SLC29A3: variants seen among roughly 807,000 people sequenced by gnomAD.
SLC29A3 encodes equilibrative nucleoside transporter 3.
In SLC29A3, 18 loss-of-function variants were observed where a neutral mutation model predicts 25.4. The observed-to-expected ratio is 0.71, with a 90% CI of 0.49 to 1.05. The LOEUF is 1.05. Among genes scored for constraint, SLC29A3 ranks in the 50% least tolerant of loss-of-function variants. The probability of loss-of-function intolerance (pLI) is 0.00; values close to 1 mark genes in which losing one functional copy is unlikely to be tolerated. For missense variants in SLC29A3, 586 were observed against 609.0 expected (o/e 0.96, Z 0.40); for synonymous variants, 258 against 267.1 (o/e 0.97, Z 0.33).
At chr10:71,368,352 C>T (rs2131856991), downstream of SLC29A3, among the ~76,000 whole-genome samples, 2 of 152,376 alleles carry the variant, frequency 1.3e-5, no homozygotes, top group Middle Eastern at 6.8e-3. Context: ...ACTTGGTTTT[C>T]TTCCACTTTT....
chr10:71,375,670 G>A (rs1332065258), intron 3 of SLC29A3: 1 of 152,126 alleles, frequency 6.6e-6, no homozygotes, highest in Non-Finnish European at 1.5e-5. Context: ...GTACTCGGAC[G>A]TGACTAATAT....
At chr10:71,323,155 A>G in intron 2 of SLC29A3, 101 bp downstream of exon 2, 1 of 1,457,252 alleles carries the variant, frequency 6.9e-7, no homozygotes, top group Non-Finnish European at 9.5e-7. Flanking sequence ...TCCAGCCTTT[A>G]GATCACTTAC....
At chr10:71,330,893 T>C (rs544741733) in intron 2 of SLC29A3, among the ~76,000 whole-genome samples, 1 of 152,232 alleles carries the variant, frequency 6.6e-6, no homozygotes, top group South Asian at 2.1e-4. Context: ...AGACATAGGT[T>C]TATTATACCC....
chr10:71,344,805 G>A (rs1034894191), intron 3 of SLC29A3, among the ~76,000 whole-genome samples: 14 of 152,212 alleles, frequency 9.2e-5, no homozygotes, highest in Middle Eastern at 3.2e-3. Context: ...ATAGACCCCC[G>A]TGGGTGACTT....
chr10:71,363,467 T>G, downstream of SLC29A3: 1 of 396,170 alleles, frequency 2.5e-6, no homozygotes, highest in Non-Finnish European at 5.0e-6. Flanking sequence ...TTTTTTAAAA[T>G]TTATTATTAT....
chr10:71,378,779 C>G (rs941071553), intron 4 of SLC29A3, among the ~76,000 whole-genome samples: 4 of 152,210 alleles, frequency 2.6e-5, no homozygotes, highest in Non-Finnish European at 4.4e-5. Context: ...GCTTGAGCTC[C>G]CGTTGTCTAC....
chr10:71,361,291 AC>A (rs1847046201), intron 5 of SLC29A3, among the ~76,000 whole-genome samples: 1 of 152,086 alleles, frequency 6.6e-6, no homozygotes, highest in South Asian at 2.1e-4. Flanking sequence ...GGCATATACC[AC>A]CACACCTGGC....
intron 2 of SLC29A3, among the ~76,000 whole-genome samples, chr10:71,337,390 G>A (rs994166895): frequency 3.3e-5 from 5 of 152,236 alleles, no homozygotes; most frequent in Non-Finnish European, 5.9e-5. Context: ...TCAGCTATCC[G>A]AAAGCGGCAA....
intron 3 of SLC29A3, among the ~76,000 whole-genome samples, chr10:71,371,325 C>A (rs1359797923): frequency 6.6e-6 from 1 of 152,142 alleles, no homozygotes; most frequent in African/African-American, 2.4e-5. Flanking sequence ...TGGAGTTTAA[C>A]CAGGGCAGAA....
chr10:71,354,261 C>T (rs1444409241), intron 4 of SLC29A3, among the ~76,000 whole-genome samples: 1 of 152,134 alleles, frequency 6.6e-6, no homozygotes, highest in Non-Finnish European at 1.5e-5. Flanking sequence ...ATTAACACCC[C>T]CATTGTATAG....
In SLC29A3 at chr10:71,362,360, G is replaced by A. The variant is rs770560831; in HGVS notation, c.1180G>A (p.Val394Met). 136 of 1,613,890 alleles carry A rather than the reference G, an allele frequency of 8.4e-5. No homozygotes were observed. The East Asian group carries it at 2.7e-3, about 31-fold the overall frequency. ...CCGGACCTGCCTCATCCCCCTCTTC[G>A]TGCTCTGTAACTACCAGCCCCGCGT... Reference protein sequence around the residue: ...LLRTCLIPLFVLCNYQPRVHL... With the variant: ...LLRTCLIPLFMLCNYQPRVHL... The change falls in exon 6 of 6, where the codon GTG becomes ATG. Residue 394 changes from valine to methionine, a missense_variant. By Grantham distance (21) the Val-to-Met change is conservative. Coordinates refer to ENST00000373189, the MANE Select transcript of SLC29A3 (RefSeq NM_018344.6).
intron 2 of SLC29A3, among the ~76,000 whole-genome samples, chr10:71,336,635 A>C (rs1846260864): frequency 6.6e-6 from 1 of 151,818 alleles, no homozygotes; most frequent in Non-Finnish European, 1.5e-5. Context: ...AGAAAGGAAC[A>C]AGCAGCAGTG....
intron 5 of SLC29A3, among the ~76,000 whole-genome samples, chr10:71,356,645 A>C (rs1846922077): frequency 6.6e-6 from 1 of 151,966 alleles, no homozygotes; most frequent in Non-Finnish European, 1.5e-5. Flanking sequence ...TGGGCAACAC[A>C]GTGAGACCCT....
At position 71,334,224 on chromosome 10, in the gene SLC29A3, G is replaced by C. The variant is rs761958649; in HGVS notation, c.301-9985G>C. Among the ~76,000 whole-genome samples, 6 of 152,364 alleles carry C rather than the reference G, an allele frequency of 3.9e-5. No individual in the cohort carries two copies. The South Asian group carries it at 1.2e-3, about 32-fold the overall frequency. ...CCAGATGGTTCGTATTTTAGGCTTTGTGGGCCCCACAGTCTCTGTTTGCTA... is the reference window on the plus strand; with the variant it reads ...CCAGATGGTTCGTATTTTAGGCTTTCTGGGCCCCACAGTCTCTGTTTGCTA... On this transcript the variant is annotated intron_variant, in intron 2 of 5. Coordinates refer to ENST00000373189, the MANE Select transcript of SLC29A3 (RefSeq NM_018344.6).
chr10:71,319,545 C>G lies in SLC29A3; in HGVS notation c.1+235C>G, dbSNP rs7067937. 182,117 of 407,542 alleles carry G rather than the reference C, an allele frequency of 0.45. 42,299 individuals carry two copies. Among genetic ancestry groups the G allele is most frequent in the African/African-American group, 0.64 (30,888 of 47,934 alleles). 25.2% of individuals were successfully genotyped at this position (407,542 alleles called of 1,614,324 possible). ...CCCAAATCCTCTCCCCTCCTCCTCC[C>G]TGAGACTGGACCTCACCGCCTGTAT... On this transcript the variant is annotated intron_variant, in intron 1 of 5. Transcript: ENST00000373189.
chr10:71,358,167 G>A (rs1846963711), intron 5 of SLC29A3, among the ~76,000 whole-genome samples: 1 of 152,118 alleles, frequency 6.6e-6, no homozygotes, highest in African/African-American at 2.4e-5. Flanking sequence ...TTCTGGAGTA[G>A]CCTCTCCCCA....
At chr10:71,367,851 C>A (rs994630026), downstream of SLC29A3, among the ~76,000 whole-genome samples, 1 of 152,186 alleles carries the variant, frequency 6.6e-6, no homozygotes, top group Non-Finnish European at 1.5e-5. Context: ...GACACTCAGA[C>A]CGAGGTTGGA....
At chr10:71,381,115 A>G (rs1847300242) in exon 5 of SLC29A3, 1 of 152,220 alleles carries the variant, frequency 6.6e-6, no homozygotes, top group Non-Finnish European at 1.5e-5. Flanking sequence ...TATAAAACAT[A>G]ACCACAAATA....
At position 71,362,069 on chromosome 10, in the gene SLC29A3, C is replaced by T. The variant is rs150719927; in HGVS notation, c.889C>T (p.Pro297Ser). ...CAGATTCATTGATTCCCACACACCC[C>T]CTCTCCGCCCCATCCTGAAGAAGAC... Reference protein sequence around the residue: ...ASRFIDSHTPPLRPILKKTAS... With the variant: ...ASRFIDSHTPSLRPILKKTAS... The change falls in exon 6 of 6, where the codon CCT (proline) becomes TCT (serine). Residue 297 changes from proline (P) to serine (S), a missense_variant. Pro to Ser is a moderately conservative substitution (Grantham distance 74, BLOSUM62 -1). Transcript: ENST00000373189. 10 of 1,614,050 alleles carry T rather than the reference C, an allele frequency of 6.2e-6. No homozygotes were observed. The highest frequency in any genetic ancestry group is 1.3e-5 in the African/African-American group (1 of 74,908).
Sources: allele counts gnomAD v4.1 joint callset (sites outside exome capture counted in the v4.1 genomes callset), GRCh38; gene constraint gnomAD v4.1.1; transcripts MANE v1.5; gene names NCBI Gene and HGNC (gene_info 2026-07-23, HGNC 2026-07-21).